The following NLRP5 variants were observed in gnomAD, a reference collection of about 807,000 sequenced individuals.
NLRP5 encodes the protein NACHT, LRR and PYD domains-containing protein 5.
NLRP5 carries 93 observed loss-of-function variants against 113.1 expected under a neutral mutation model. The ratio of observed to expected loss-of-function variants is 0.82; its 90% confidence interval spans 0.70 to 0.98. NLRP5 has a LOEUF of 0.98. NLRP5 is among the 50% of genes least tolerant of loss of function. The probability of loss-of-function intolerance (pLI) is 0.00; values close to 1 mark genes in which losing one functional copy is unlikely to be tolerated. For missense variants in NLRP5, 1,808 were observed against 1,514.3 expected, an observed-to-expected ratio of 1.19 and a Z score of -3.22; for synonymous variants, 751 against 600.7, an observed-to-expected ratio of 1.25 and a Z score of -3.66.
At chr19:56,012,210 G>A (rs549860642) in intron 3 of NLRP5, among the ~76,000 whole-genome samples, 4 of 151,868 alleles carry the variant, frequency 2.6e-5, no homozygotes, top group Non-Finnish European at 4.4e-5. Flanking sequence ...GTGCAGTGGT[G>A]CAGTCTGGGC....
chr19:56,057,088 C>G (rs1452479823), intron 13 of NLRP5, among the ~76,000 whole-genome samples: 1 of 152,134 alleles, frequency 6.6e-6, no homozygotes, highest in African/African-American at 2.4e-5. Context: ...GTGAGTCGAG[C>G]TCGTGCCACC....
chr19:55,999,868 C>T lies in NLRP5; in HGVS notation c.62+81C>T, dbSNP rs543153158. 12 of 975,532 alleles carry T rather than the reference C, an allele frequency of 1.2e-5. No individual in the cohort carries two copies. The African/African-American group carries it at 1.9e-4, about 15-fold the overall frequency. The allele number at this position is 975,532 out of a possible 1,614,324, so 60.4% of individuals were successfully genotyped here. On this transcript the variant is annotated intron_variant, in intron 1 of 14. Coordinates refer to ENST00000390649, the MANE Select transcript of NLRP5 (RefSeq NM_153447.4). ...TGACACACGGATCGAATCCCCTGCC[C>T]TCGCTGCTGTCTGCTGCAATGTTAT...
chr19:56,043,542 CTTTTTTTTTTTT>C (rs369622191), intron 11 of NLRP5, among the ~76,000 whole-genome samples: 16 of 92,936 alleles, frequency 1.7e-4, no homozygotes, highest in African/African-American at 4.2e-4. Flanking sequence ...CTCTGCTATT[CTTTTTTTTTTTT>C]TTTTTTTTTT....
chr19:56,051,035 G>A (rs184128339), intron 12 of NLRP5, among the ~76,000 whole-genome samples: 38 of 152,248 alleles, frequency 2.5e-4, no homozygotes, highest in African/African-American at 7.9e-4. Context: ...AGCAAAAATC[G>A]ATCTTCAGTC....
chr19:56,014,513 CAGA>C (rs1982332348), intron 3 of NLRP5, among the ~76,000 whole-genome samples: 1 of 151,194 alleles, frequency 6.6e-6, no homozygotes, highest in Admixed American at 6.6e-5. Context: ...AACCCAAAAT[CAGA>C]AGGTTTACAC....
chr19:56,026,611 G>C (rs190158201), intron 6 of NLRP5, among the ~76,000 whole-genome samples: 1 of 148,682 alleles, frequency 6.7e-6, no homozygotes, highest in African/African-American at 2.5e-5. Context: ...ATAGAGTCTC[G>C]CTCTGTGACC....
At position 56,028,073 on chromosome 19, in the gene NLRP5, A is replaced by G. The variant is rs1982945388; in HGVS notation, c.1840A>G (p.Lys614Glu). ...AGCTCTCTGCCCTCTGTACGTTGAG[A>G]AGACAAAGAGGTCCATGGAGCTTAA... Residue 614 changes from lysine (K) to glutamate (E), a missense_variant, in exon 7 of 15, where the codon AAG (lysine) becomes GAG (glutamate). Physicochemically the swap from Lys to Glu is moderately conservative, Grantham distance 56. Transcript: ENST00000390649. 6 of 1,614,016 alleles carry G rather than the reference A, an allele frequency of 3.7e-6. No homozygotes were observed. Among genetic ancestry groups the G allele is most frequent in the Non-Finnish European group, 5.1e-6 (6 of 1,179,904 alleles).
At chr19:56,000,459 G>A (rs1981600179) in intron 1 of NLRP5, among the ~76,000 whole-genome samples, 1 of 151,912 alleles carries the variant, frequency 6.6e-6, no homozygotes, top group African/African-American at 2.4e-5. Flanking sequence ...CCGACTCCCG[G>A]GTTCACACCA....
At chr19:56,060,598 A>G (rs1229035597) in intron 14 of NLRP5, among the ~76,000 whole-genome samples, 1 of 152,174 alleles carries the variant, frequency 6.6e-6, no homozygotes, top group Non-Finnish European at 1.5e-5. Context: ...CCCGGCACAG[A>G]GACTCTGAGG....
Position 56,003,991 on chromosome 19 carries a change from T to C in NLRP5, c.338T>C (p.Leu113Ser). 1 of 1,614,008 alleles carries C rather than the reference T, an allele frequency of 6.2e-7. No homozygotes were observed. The highest frequency in any genetic ancestry group is 8.5e-7 in the Non-Finnish European group (1 of 1,179,888). ...AACGTGGAATGTCTGGCACTCCTCT[T>C]GCATGAGTATTATGGAGCATCGCTG... is the stretch of plus-strand genomic sequence containing the variant. Residue 113 changes from leucine to serine, a missense_variant, in exon 2 of 15, where the codon TTG (leucine) becomes TCG (serine). Physicochemically the swap from Leu to Ser is moderately radical, Grantham distance 145. Transcript: ENST00000390649.
At chr19:55,996,635 C>T (rs192490218), upstream of NLRP5, among the ~76,000 whole-genome samples, 11 of 152,240 alleles carry the variant, frequency 7.2e-5, no homozygotes, top group African/African-American at 2.6e-4. Context: ...TGATTTCCAG[C>T]TTCATCCATG....
intron 6 of NLRP5, among the ~76,000 whole-genome samples, chr19:56,023,714 C>T (rs987285726): frequency 1.2e-4 from 18 of 152,272 alleles, no homozygotes; most frequent in African/African-American, 3.9e-4. Context: ...AGGTTATATG[C>T]AGTTATACCA....
intron 3 of NLRP5, among the ~76,000 whole-genome samples, chr19:56,013,274 C>G (rs1376286361): frequency 1.3e-5 from 2 of 152,094 alleles, no homozygotes; most frequent in Non-Finnish European, 2.9e-5. Flanking sequence ...CTCACTGCAA[C>G]CTCCGCCTCC....
chr19:55,989,452 C>T, the NLRP5 span, among the ~76,000 whole-genome samples: 1 of 152,142 alleles, frequency 6.6e-6, no homozygotes, highest in African/African-American at 2.4e-5. Flanking sequence ...GGGGTTTCCC[C>T]ATGTTGGCCG....
intron 2 of NLRP5, among the ~76,000 whole-genome samples, chr19:56,007,919 G>GCACAGAAAGA (rs1982006306): frequency 1.5e-5 from 1 of 64,876 alleles, no homozygotes; most frequent in African/African-American, 4.7e-5. Context: ...GTGTGTGTGT[G>GCACAGAAAGA]TGTGTGTGTG....
chr19:56,023,907 CTTT>C (rs1009339696), intron 6 of NLRP5, among the ~76,000 whole-genome samples: 2 of 151,996 alleles, frequency 1.3e-5, no homozygotes, highest in African/African-American at 4.8e-5. Context: ...CTCTTGCTGC[CTTT>C]TTAAGGTAAA....
intron 1 of NLRP5, among the ~76,000 whole-genome samples, chr19:56,000,356 C>T (rs61564490): frequency 0.036 from 3,619 of 99,906 alleles, 143 homozygotes; most frequent in African/African-American, 0.12. Flanking sequence ...CATATATCAC[C>T]TCATGTTTTT....
chr19:56,041,172 G>C (rs1983509270), intron 11 of NLRP5, 80 bp downstream of exon 11: 1 of 1,403,692 alleles, frequency 7.1e-7, no homozygotes, highest in African/African-American at 1.4e-5. Context: ...AGAAGGCAGT[G>C]GGGAGGGGGT....
In NLRP5 at chr19:56,038,090, C is replaced by T. The variant is rs767179195; in HGVS notation, c.2681C>T (p.Pro894Leu). 1.2e-6 allele frequency: 2 copies of T among 1,613,976 alleles called. No homozygotes were observed. The highest frequency in any genetic ancestry group is 1.7e-6 in the Non-Finnish European group (2 of 1,179,872). Residue 894 changes from proline to leucine, a missense_variant, in exon 10 of 15, where the codon CCC becomes CTC. Pro to Leu is a moderately conservative substitution (Grantham distance 98). Transcript: ENST00000390649. ...ATCTCCCAAATCCTTACGACCTCCC[C>T]CAGCCTGAAATCTCTGAGCCTGGCA...
Sources: gnomAD v4.1 joint callset for allele counts (sites outside exome capture counted in the v4.1 genomes callset) on GRCh38, gnomAD v4.1.1 for gene constraint, MANE v1.5 for transcripts, NCBI Gene and HGNC (gene_info 2026-07-23, HGNC 2026-07-21) for gene names.